The following RGL1 variants were observed in gnomAD, a reference collection of about 807,000 sequenced individuals.
The protein encoded by RGL1 is ral guanine nucleotide dissociation stimulator like 1.
In RGL1, 24 loss-of-function variants were observed where a neutral mutation model predicts 95.2. The ratio of observed to expected loss-of-function variants is 0.25; its 90% CI spans 0.18 to 0.35. The LOEUF is 0.35. RGL1 is among the 10% of genes least tolerant of loss of function. RGL1 has a pLI of 1.00. For missense variants in RGL1, 715 were observed against 936.3 expected (o/e 0.76, Z 3.08); for synonymous variants, 329 against 344.9 (o/e 0.95, Z 0.51).
At chr1:183,881,118 G>T (rs1666801555) in intron 5 of RGL1, among the ~76,000 whole-genome samples, 1 of 152,134 alleles carries the variant, frequency 6.6e-6, no homozygotes, top group Admixed American at 6.5e-5. Flanking sequence ...CAAGAAGAGG[G>T]TCTCCTTGAT....
chr1:183,799,202 TC>T (rs1464375167), intron 2 of RGL1, among the ~76,000 whole-genome samples: 1 of 152,134 alleles, frequency 6.6e-6, no homozygotes, highest in Non-Finnish European at 1.5e-5. Context: ...ATGCCTGGCC[TC>T]CTTTTTTAAG....
At chr1:183,795,986 G>C (rs944236174) in intron 2 of RGL1, among the ~76,000 whole-genome samples, 1 of 151,682 alleles carries the variant, frequency 6.6e-6, no homozygotes, top group Admixed American at 6.6e-5. Flanking sequence ...ACATGTAGTA[G>C]TAACAGATAA....
At chr1:183,821,134 A>AAATAATAAT (rs56019394) in intron 2 of RGL1, among the ~76,000 whole-genome samples, 42 of 150,662 alleles carry the variant, frequency 2.8e-4, no homozygotes, top group Non-Finnish European at 3.4e-4. Flanking sequence ...ACTCCGTCTA[A>AAATAATAAT]AATAATAATA....
chr1:183,900,994 G>A (rs1438577516), intron 11 of RGL1, among the ~76,000 whole-genome samples: 3 of 150,752 alleles, frequency 2.0e-5, no homozygotes, highest in African/African-American at 4.9e-5. Context: ...GTGAAACCCC[G>A]TCTCTACTAA....
intron 1 of RGL1, among the ~76,000 whole-genome samples, chr1:183,682,302 A>G (rs1653273833): frequency 6.6e-6 from 1 of 152,144 alleles, no homozygotes; most frequent in Non-Finnish European, 1.5e-5. Flanking sequence ...TCCTGTGGGC[A>G]TTTAGTGCTA....
chr1:183,829,768 C>T (rs1167232401), intron 2 of RGL1, among the ~76,000 whole-genome samples: 1 of 152,186 alleles, frequency 6.6e-6, no homozygotes, highest in Admixed American at 6.5e-5. Flanking sequence ...CAAGTTACTT[C>T]ATGGCATTTG....
intron 1 of RGL1, among the ~76,000 whole-genome samples, chr1:183,663,647 C>T (rs1183658787): frequency 1.3e-5 from 2 of 151,982 alleles, no homozygotes; most frequent in Admixed American, 1.3e-4. Flanking sequence ...TTGTGGAAGT[C>T]AGTGTGGCGA....
intron 2 of RGL1, among the ~76,000 whole-genome samples, chr1:183,760,323 A>C (rs1459880926): frequency 6.6e-6 from 1 of 152,144 alleles, no homozygotes; most frequent in African/African-American, 2.4e-5. Context: ...TGTGTTTCTT[A>C]AAATAAGACA....
intron 2 of RGL1, among the ~76,000 whole-genome samples, chr1:183,822,203 T>TA (rs202072667): frequency 1.7e-4 from 25 of 149,994 alleles, no homozygotes; most frequent in South Asian, 8.4e-4. Context: ...TTTTCTTAAT[T>TA]AAAAAAAAAA....
chr1:183,868,212 G>T (rs1431226110), intron 4 of RGL1, among the ~76,000 whole-genome samples: 1 of 152,176 alleles, frequency 6.6e-6, no homozygotes, highest in Non-Finnish European at 1.5e-5. Context: ...ACACAGAATT[G>T]GTGTGGCTGC....
chr1:183,879,867 G>A (rs1666723864), intron 4 of RGL1, among the ~76,000 whole-genome samples: 1 of 152,222 alleles, frequency 6.6e-6, no homozygotes, highest in Admixed American at 6.5e-5. Flanking sequence ...ACTGGAGGGA[G>A]CTGTGCACAT....
rs1173307805 is a variant in RGL1, at chr1:183,681,769, C to T, written c.-33+45268C>T. Among the ~76,000 whole-genome samples, 6 of 152,252 alleles carry T rather than the reference C, an allele frequency of 3.9e-5. No homozygotes were observed. The South Asian group carries it at 6.2e-4, about 16-fold the overall frequency. On this transcript the variant is annotated intron_variant, in intron 1 of 18. Coordinates refer to the RGL1 transcript ENST00000304685. ...AGAATGATACCACCTCCTCTATGAA[C>T]CTCTGGTAGAATTTGGCTGTGAATC...
At chr1:183,718,153 G>A (rs1343408984) in intron 1 of RGL1, among the ~76,000 whole-genome samples, 1 of 151,658 alleles carries the variant, frequency 6.6e-6, no homozygotes, top group Non-Finnish European at 1.5e-5. Context: ...GGCTGAGGCA[G>A]GAGAATCGCT....
At chr1:183,834,226 T>C (rs1274581492) in intron 2 of RGL1, among the ~76,000 whole-genome samples, 1 of 152,146 alleles carries the variant, frequency 6.6e-6, no homozygotes, top group Non-Finnish European at 1.5e-5. Context: ...AATGAATGTA[T>C]CTACTCAAGT....
intron 1 of RGL1, among the ~76,000 whole-genome samples, chr1:183,664,528 G>T (rs1651891731): frequency 6.6e-6 from 1 of 151,054 alleles, no homozygotes; most frequent in Non-Finnish European, 1.5e-5. Flanking sequence ...TGGCAGAGCT[G>T]AGATTTAAAC....
intron 2 of RGL1, among the ~76,000 whole-genome samples, chr1:183,775,612 T>C (rs1034637731): frequency 2.6e-5 from 4 of 152,248 alleles, no homozygotes; most frequent in African/African-American, 9.6e-5. Flanking sequence ...TGACATTTAC[T>C]GGCTATATTA....
At chr1:183,826,491 A>T (rs1323040569) in intron 2 of RGL1, among the ~76,000 whole-genome samples, 1 of 152,098 alleles carries the variant, frequency 6.6e-6, no homozygotes, top group Admixed American at 6.5e-5. Flanking sequence ...CCCCTGCTAT[A>T]TTCCCAAAGT....
intron 1 of RGL1, among the ~76,000 whole-genome samples, chr1:183,643,059 G>A (rs1169669116): frequency 6.6e-6 from 1 of 152,152 alleles, no homozygotes; most frequent in East Asian, 1.9e-4. Context: ...TTGGCATAAT[G>A]TCCTCAGGGT....
At chr1:183,649,364 G>A (rs549162961) in intron 1 of RGL1, among the ~76,000 whole-genome samples, 3 of 152,174 alleles carry the variant, frequency 2.0e-5, no homozygotes, top group African/African-American at 4.8e-5. Context: ...GTACAAAAAA[G>A]TGTTTTGCAT....
Sources: gnomAD v4.1 joint callset for allele counts (sites outside exome capture counted in the v4.1 genomes callset) on GRCh38, gnomAD v4.1.1 for gene constraint, MANE v1.5 for transcripts, NCBI Gene and HGNC (gene_info 2026-07-23, HGNC 2026-07-21) for gene names.